Variants in CDH13 observed in about 807,000 individuals in gnomAD.
The protein encoded by CDH13 is cadherin 13.
CDH13 carries 24 observed loss-of-function variants against 63.8 expected under a neutral mutation model. The observed-to-expected ratio is 0.38, with a 90% CI of 0.27 to 0.53. The LOEUF is 0.53. CDH13 is among the 20% of genes least tolerant of loss of function. The pLI, the probability that CDH13 is intolerant of heterozygous loss-of-function variation, is 0.85. For missense variants in CDH13, 1,049 were observed against 903.1 expected (o/e 1.16, Z -2.07); for synonymous variants, 503 against 355.3 (o/e 1.42, Z -4.67).
chr16:83,358,482 C>G (rs1354603840), intron 6 of CDH13, among the ~76,000 whole-genome samples: 1 of 152,140 alleles, frequency 6.6e-6, no homozygotes, highest in Non-Finnish European at 1.5e-5. Flanking sequence ...TTGCTTCTCT[C>G]CAGAATTATT....
intron 1 of CDH13, among the ~76,000 whole-genome samples, chr16:82,751,209 T>C (rs567486504): frequency 2.6e-5 from 4 of 152,336 alleles, no homozygotes; most frequent in Non-Finnish European, 4.4e-5. Flanking sequence ...GGCAGATTCA[T>C]GGGCTTGCAA....
At chr16:83,086,983 C>A (rs1019769915) in intron 3 of CDH13, among the ~76,000 whole-genome samples, 3 of 152,176 alleles carry the variant, frequency 2.0e-5, no homozygotes, top group African/African-American at 4.8e-5. Context: ...TAAAAAAAGA[C>A]TTCCTGTCAA....
chr16:83,719,683 C>T (rs1031277904), intron 10 of CDH13, among the ~76,000 whole-genome samples: 10 of 152,190 alleles, frequency 6.6e-5, no homozygotes, highest in Admixed American at 3.9e-4. Context: ...CGGTTACTTC[C>T]ATTATAAGGT....
At chr16:82,695,492 G>A (rs1453680130) in intron 1 of CDH13, among the ~76,000 whole-genome samples, 2 of 152,134 alleles carry the variant, frequency 1.3e-5, no homozygotes, top group African/African-American at 2.4e-5. Context: ...TGGTGAGCAG[G>A]AAGGACTTCA....
intron 11 of CDH13, among the ~76,000 whole-genome samples, chr16:83,779,531 C>T (rs973454341): frequency 7.0e-6 from 1 of 141,852 alleles, no homozygotes; most frequent in African/African-American, 2.6e-5. Flanking sequence ...TTAATAACAA[C>T]TGAGAAATGG....
intron 7 of CDH13, among the ~76,000 whole-genome samples, chr16:83,524,926 C>A (rs182566190): frequency 3.9e-5 from 6 of 152,192 alleles, no homozygotes; most frequent in African/African-American, 1.4e-4. Flanking sequence ...ATCCTGAATG[C>A]GCATGAGATG....
intron 5 of CDH13, among the ~76,000 whole-genome samples, chr16:83,254,626 G>C (rs938405064): frequency 1.3e-5 from 2 of 151,932 alleles, no homozygotes; most frequent in African/African-American, 4.8e-5. Flanking sequence ...CTGCCTTATT[G>C]TGCTTAGTTG....
chr16:83,171,237 A>T (rs1240770338), intron 4 of CDH13, among the ~76,000 whole-genome samples: 1 of 152,188 alleles, frequency 6.6e-6, no homozygotes, highest in East Asian at 1.9e-4. Context: ...TGGCGGAAAC[A>T]GGGCAAGAGA....
intron 6 of CDH13, among the ~76,000 whole-genome samples, chr16:83,413,566 A>G (rs1266724133): frequency 6.6e-6 from 1 of 152,200 alleles, no homozygotes; most frequent in Non-Finnish European, 1.5e-5. Context: ...GGGGAAAGTT[A>G]CAGTCAAGAT....
chr16:83,423,351 A>T (rs908873338), intron 6 of CDH13, among the ~76,000 whole-genome samples: 3 of 152,218 alleles, frequency 2.0e-5, no homozygotes, highest in African/African-American at 7.2e-5. Flanking sequence ...AAGAAGAAAA[A>T]AAGCCTAAAG....
intron 8 of CDH13, among the ~76,000 whole-genome samples, chr16:83,669,465 C>T (rs1914309122): frequency 6.6e-6 from 1 of 152,168 alleles, no homozygotes. Context: ...TCACACGAAT[C>T]AGATCAAAAT....
chr16:82,751,240 C>A (rs985544172), intron 1 of CDH13, among the ~76,000 whole-genome samples: 1 of 152,174 alleles, frequency 6.6e-6, no homozygotes, highest in Non-Finnish European at 1.5e-5. Context: ...TGCATAGGGC[C>A]CTGTGCTTAA....
intron 5 of CDH13, among the ~76,000 whole-genome samples, chr16:83,219,999 G>C (rs2039649170): frequency 6.6e-6 from 1 of 152,186 alleles, no homozygotes; most frequent in Non-Finnish European, 1.5e-5. Context: ...CATTGGAAAG[G>C]GTACTGGTAT....
intron 1 of CDH13, among the ~76,000 whole-genome samples, chr16:82,663,957 G>A (rs952759852): frequency 2.0e-5 from 3 of 152,202 alleles, no homozygotes; most frequent in Non-Finnish European, 4.4e-5. Flanking sequence ...TCCACTCTGA[G>A]GTGTGAGCCA....
intron 7 of CDH13, among the ~76,000 whole-genome samples, chr16:83,545,019 A>C (rs2075360308): frequency 6.6e-6 from 1 of 152,256 alleles, no homozygotes; most frequent in African/African-American, 2.4e-5. Context: ...GATTCCATTC[A>C]CTGGAAACAT....
intron 1 of CDH13, among the ~76,000 whole-genome samples, chr16:82,749,117 A>T (rs1339357037): frequency 6.6e-6 from 1 of 152,012 alleles, no homozygotes; most frequent in East Asian, 1.9e-4. Flanking sequence ...GGACACAGTG[A>T]GTTGGATAAA....
At chr16:83,216,059 C>T (rs1389459502) in intron 4 of CDH13, among the ~76,000 whole-genome samples, 2 of 151,410 alleles carry the variant, frequency 1.3e-5, no homozygotes, top group African/African-American at 4.9e-5. Context: ...CAGTAACTCA[C>T]GATTTGCAAA....
At chr16:83,387,373 T>A (rs902563731) in intron 6 of CDH13, among the ~76,000 whole-genome samples, 8 of 152,200 alleles carry the variant, frequency 5.3e-5, no homozygotes, top group African/African-American at 1.9e-4. Flanking sequence ...TCTAGTTGTT[T>A]ACTATTTTCC....
At chr16:83,773,055 T>G (rs1914863936) in intron 11 of CDH13, 2 of 152,192 alleles carry the variant, frequency 1.3e-5, no homozygotes, top group African/African-American at 4.8e-5. Context: ...GCATCTGTGT[T>G]TGCTAATGGG....
Sources: allele counts gnomAD v4.1 joint callset (sites outside exome capture counted in the v4.1 genomes callset), GRCh38; gene constraint gnomAD v4.1.1; transcripts MANE v1.5; gene names NCBI Gene and HGNC (gene_info 2026-07-23, HGNC 2026-07-21).